Variants in AVIL observed in about 807,000 individuals in gnomAD.
AVIL encodes the protein advillin.
In AVIL, 78 loss-of-function variants were observed where a neutral mutation model predicts 109.9. The ratio of observed to expected loss-of-function variants is 0.71; its 90% CI spans 0.59 to 0.86. The LOEUF is 0.86. AVIL is among the 40% of genes least tolerant of loss of function. The pLI, the probability that AVIL is intolerant of heterozygous loss-of-function variation, is 0.00. For missense variants in AVIL, 892 were observed against 1,016.5 expected (o/e 0.88, Z 1.67); for synonymous variants, 367 against 379.1 (o/e 0.97, Z 0.37).
Position 57,814,176 on chromosome 12 carries a change from CT to C in AVIL, c.116del (p.Glu39GlyfsTer85). On this transcript the variant is annotated frameshift_variant, in exon 3 of 20. Transcript: ENST00000549994. LOFTEE classifies it high-confidence loss of function. ...CCGAGAGGATGACGTAGCAGTCCCC[CT>C]CATAGAAGTTGCCGTGGGCGCTCAC... is the stretch of plus-strand genomic sequence containing the variant. ...VPVSAHGNFY[E>X]GDCYVILSTR... 6.2e-7 allele frequency: 1 copy of C among 1,613,376 alleles called. No individual in the cohort carries two copies. The highest frequency in any genetic ancestry group is 8.5e-7 in the Non-Finnish European group (1 of 1,179,826).
At chr12:57,809,573 G>GTA (rs1260807740) in intron 9 of AVIL, 24 bp downstream of exon 9, 1 of 1,612,398 alleles carries the variant, frequency 6.2e-7, no homozygotes. Flanking sequence ...TATTTGAACA[G>GTA]TATTGCACAT....
At chr12:57,815,835 T>C in intron 2 of AVIL, 140 bp downstream of exon 2, 18 of 1,534,316 alleles carry the variant, frequency 1.2e-5, no homozygotes, top group Non-Finnish European at 1.4e-5. Context: ...GGATGGGAAA[T>C]AGGTACTTTG....
At position 57,809,612 on chromosome 12, in the gene AVIL, G is replaced by C; in HGVS notation, c.924C>G (p.Ala308=). ...KGATKAEKQA[A]MSKALGFIKM... is the part of the protein sequence containing the mutation. ...TAGCTCCTACCAGCGCTTTAGACAT[G>C]GCTGCCTGTTTTTCAGCCTTTGTGG... The change falls in exon 9 of 20, where the codon GCC becomes GCG. Residue 308 remains alanine, a synonymous_variant. Transcript: ENST00000549994. 6.2e-7 allele frequency: 1 copy of C among 1,614,210 alleles called. No individual in the cohort carries two copies. The highest frequency in any genetic ancestry group is 8.5e-7 in the Non-Finnish European group (1 of 1,180,036).
At chr12:57,809,517 A>C in intron 9 of AVIL, 80 bp downstream of exon 9, 1 of 1,495,696 alleles carries the variant, frequency 6.7e-7, no homozygotes, top group Non-Finnish European at 9.3e-7. Flanking sequence ...TCAAATACCT[A>C]GCATGGCTCT....
rs758519324 is a variant in AVIL at position 57,802,210 on chromosome 12, G to T, written c.2101C>A (p.Pro701Thr). 1.9e-6 allele frequency: 3 copies of T among 1,614,056 alleles called. No homozygotes were observed. The highest frequency in any genetic ancestry group is 1.1e-5 in the South Asian group (1 of 91,078). Reference protein sequence around the residue: ...PILIIKQGFEPPIFTGWFLAW... With the variant: ...PILIIKQGFETPIFTGWFLAW... The stretch of plus-strand genomic sequence containing the variant: ...AGGAACCAGCCTGTGAAGATGGGAG[G>T]CTCAAACCCCTGCTTAATGATCAGG... Residue 701 changes from proline to threonine, a missense_variant, in exon 17 of 20, where the codon CCT becomes ACT. Pro to Thr is a conservative substitution (Grantham distance 38). Transcript: ENST00000549994.
At chr12:57,798,549 G>C (rs780940172) in intron 19 of AVIL, among the ~76,000 whole-genome samples, 1 of 152,000 alleles carries the variant, frequency 6.6e-6, no homozygotes, top group Non-Finnish European at 1.5e-5. Flanking sequence ...GACATTGTGG[G>C]AAATCCAGAG....
At position 57,816,022 on chromosome 12, in the gene AVIL, AG is replaced by A; in HGVS notation, c.18del (p.Phe7SerfsTer15). The A allele has an allele frequency of 6.2e-7, 1 of 1,614,112 alleles. No individual in the cohort carries two copies. The highest frequency in any genetic ancestry group is 8.5e-7 in the Non-Finnish European group (1 of 1,179,986). MPLTSAFRAVDNDPGI... is the reference protein window; with the variant it reads MPLTSXFRAVDNDPGI... ...CCAGGGTCGTTGTCCACAGCCCTGA[AG>A]GCACTGGTCAGAGGCATGATGCTTG... On this transcript the variant is annotated frameshift_variant, in exon 2 of 20. Coordinates refer to ENST00000549994, the MANE Select transcript of AVIL (RefSeq NM_006576.4). LOFTEE classifies it high-confidence loss of function.
At chr12:57,813,206 G>C (rs1474238579) in intron 4 of AVIL, 21 bp downstream of exon 4, 1 of 1,589,278 alleles carries the variant, frequency 6.3e-7, no homozygotes, top group African/African-American at 1.3e-5. Context: ...TTCTGTCCTT[G>C]CTCTGTGCAC....
chr12:57,810,656 G>A lies in AVIL; in HGVS notation c.559-105C>T. ...TCCCAGACACAGGAGTTACTTGGAT[G>A]CTGAGGAGTCCAGGGTGAGTCACAA... is the stretch of plus-strand genomic sequence containing the variant. On this transcript the variant is annotated intron_variant, in intron 6 of 19. Transcript: ENST00000549994. The A allele has an allele frequency of 2.1e-6, 3 of 1,414,212 alleles. No homozygotes were observed. The South Asian group carries it at 3.7e-5, about 18-fold the overall frequency. The allele number at this position is 1,414,212 out of a possible 1,614,324, so 87.6% of individuals were successfully genotyped here. A position where few individuals can be genotyped will look rare whatever the true frequency, so the allele number is the denominator to read the frequency against.
chr12:57,807,551 C>A (rs753621503), intron 12 of AVIL, 39 bp downstream of exon 12: 3 of 1,614,140 alleles, frequency 1.9e-6, no homozygotes, highest in East Asian at 4.5e-5. Flanking sequence ...GGCCAGAGGA[C>A]ACATCAGGAT....
At position 57,797,770 on chromosome 12, in the gene AVIL, A is replaced by G; in HGVS notation, c.*112T>C. On this transcript the variant is annotated 3_prime_UTR_variant, in exon 20 of 20. Transcript: ENST00000549994. The stretch of plus-strand genomic sequence containing the variant: ...TGCCGTGATTTGCAGACTCTATTAT[A>G]TCTAAATTAAGTAGCTGAATGTCAG... 1 of 881,858 alleles carries G rather than the reference A, an allele frequency of 1.1e-6. No homozygotes were observed. Among genetic ancestry groups the G allele is most frequent in the Non-Finnish European group, 1.6e-6 (1 of 622,694 alleles). The allele number at this position is 881,858 out of a possible 1,614,324, so 54.6% of individuals were successfully genotyped here.
chr12:57,812,802 A>C (rs1956053859), intron 4 of AVIL, among the ~76,000 whole-genome samples: 2 of 152,144 alleles, frequency 1.3e-5, no homozygotes, highest in Non-Finnish European at 2.9e-5. Flanking sequence ...CTACTGCATA[A>C]TACTCCGTGG....
chr12:57,806,757 C>T (rs1180605367), intron 13 of AVIL, among the ~76,000 whole-genome samples: 1 of 152,178 alleles, frequency 6.6e-6, no homozygotes, highest in Admixed American at 6.5e-5. Flanking sequence ...GTGACTGGTG[C>T]TTACCTACAT....
intron 9 of AVIL, 172 bp from the exon 10 acceptor site, chr12:57,808,720 A>G: frequency 1.4e-6 from 1 of 730,518 alleles, no homozygotes; most frequent in Non-Finnish European, 2.2e-6. Context: ...GCCTAAAAAA[A>G]AAATGACTGA....
intron 1 of AVIL, 183 bp from the exon 2 acceptor site, chr12:57,816,242 G>A (rs1031168546): frequency 3.8e-5 from 21 of 551,506 alleles, no homozygotes; most frequent in Non-Finnish European, 5.4e-5. Flanking sequence ...TGGTGAGCCT[G>A]GCTGGCCTGG....
intron 17 of AVIL, 94 bp from the exon 18 acceptor site, chr12:57,801,306 GC>G: frequency 1.0e-6 from 1 of 984,640 alleles, no homozygotes; most frequent in Non-Finnish European, 1.5e-6. Context: ...AAGCAAAAGA[GC>G]CAGGGAGTCA....
chr12:57,797,963 C>T lies in AVIL; in HGVS notation c.2379G>A (p.Val793=), dbSNP rs756806492. Residue 793 remains valine (V), a synonymous_variant, in exon 20 of 20, where the codon GTG becomes GTA. Coordinates refer to ENST00000549994, the MANE Select transcript of AVIL (RefSeq NM_006576.4). The part of the protein sequence containing the change: ...NYLSEQDFVS[V]FGITRGQFAA... ...CAAATTGCCCTCTTGTGATGCCAAA[C>T]ACAGACACAAAGTCCTGTTCAGAGA... The T allele has an allele frequency of 6.2e-7, 1 of 1,613,162 alleles. No homozygotes were observed.
At chr12:57,801,765 T>G (rs964410029) in intron 17 of AVIL, among the ~76,000 whole-genome samples, 22 of 152,010 alleles carry the variant, frequency 1.4e-4, no homozygotes, top group Non-Finnish European at 2.1e-4. Flanking sequence ...AAAAGTTGAT[T>G]AGGAGTCAGG....
chr12:57,809,802 C>G lies in AVIL; in HGVS notation c.840+10G>C. On this transcript the variant is annotated intron_variant, in intron 8 of 19. Transcript: ENST00000549994. ...CTACCCCAAGCTAAGTCCACCCAAA[C>G]TCTACTTACATCATGGTTCAGTAAG... The G allele has an allele frequency of 1.2e-6, 2 of 1,614,178 alleles. No individual in the cohort carries two copies. Among genetic ancestry groups the G allele is most frequent in the Non-Finnish European group, 1.7e-6 (2 of 1,179,992 alleles).
Sources: allele counts gnomAD v4.1 joint callset (sites outside exome capture counted in the v4.1 genomes callset), GRCh38; gene constraint gnomAD v4.1.1; transcripts MANE v1.5; gene names NCBI Gene and HGNC (gene_info 2026-07-23, HGNC 2026-07-21).